Variants in NTM observed in about 807,000 individuals in gnomAD.
The protein encoded by NTM is IgLON family member 2.
A neutral mutation model predicts 42.1 loss-of-function variants in NTM; 13 were observed. The ratio of observed to expected loss-of-function variants is 0.31; its 90% CI spans 0.20 to 0.49. The LOEUF (loss-of-function observed/expected upper bound fraction) is 0.49, where lower values mean the gene tolerates loss of function less well. Ranked by LOEUF, NTM falls within the 20% of genes least tolerant of loss-of-function variation. NTM has a pLI of 0.99. For missense variants in NTM, 373 were observed against 452.8 expected, an observed-to-expected ratio of 0.82 and a Z score of 1.60; for synonymous variants, 187 against 179.2, an observed-to-expected ratio of 1.04 and a Z score of -0.35.
chr11:132,090,152 G>A (rs184337828), intron 2 of NTM, among the ~76,000 whole-genome samples: 21 of 152,196 alleles, frequency 1.4e-4, no homozygotes, highest in South Asian at 4.2e-4. Flanking sequence ...AAAAAGTGAC[G>A]GAATGAGACT....
At chr11:131,437,509 T>C (rs1408989544) in intron 1 of NTM, among the ~76,000 whole-genome samples, 5 of 152,238 alleles carry the variant, frequency 3.3e-5, no homozygotes, top group African/African-American at 1.2e-4. Flanking sequence ...TAGCTCTTCT[T>C]GTTGAATTGA....
intron 4 of NTM, among the ~76,000 whole-genome samples, chr11:132,239,940 T>TATCCATCCATTC (rs2089877096): frequency 6.6e-6 from 1 of 152,124 alleles, no homozygotes; most frequent in Non-Finnish European, 1.5e-5. Flanking sequence ...CTAGTTCATT[T>TATCCATCCATTC]ATCCATCCAT....
intron 3 of NTM, among the ~76,000 whole-genome samples, chr11:132,149,369 G>C (rs2071350035): frequency 6.6e-6 from 1 of 152,014 alleles, no homozygotes; most frequent in Admixed American, 6.6e-5. Flanking sequence ...TGGAATAAAA[G>C]TTGGGCATAT....
rs117233498 is a variant in NTM, at chr11:131,647,319, C to T, written c.83-264245C>T. On this transcript the variant is annotated intron_variant, in intron 1 of 8. Coordinates refer to ENST00000683400, the MANE Select transcript of NTM (RefSeq NM_001352005.2). ...ACCATCAAGGATTTTTGTAGCTGCG[C>T]GGATGGACATCAATAGGTGATTAAA... Among the ~76,000 whole-genome samples, 799 of 152,302 alleles carry T rather than the reference C, an allele frequency of 5.2e-3. 5 individuals carry two copies. The highest frequency in any genetic ancestry group is 0.027 in the Middle Eastern group (8 of 294).
At chr11:132,037,010 T>C (rs2076587096) in intron 2 of NTM, among the ~76,000 whole-genome samples, 1 of 152,184 alleles carries the variant, frequency 6.6e-6, no homozygotes, top group Non-Finnish European at 1.5e-5. Context: ...AGTCTGCTAC[T>C]CTGCCTGCTT....
intron 1 of NTM, among the ~76,000 whole-genome samples, chr11:131,586,781 G>A (rs1016447713): frequency 2.0e-5 from 3 of 152,028 alleles, no homozygotes; most frequent in Non-Finnish European, 4.4e-5. Context: ...AGAAAAAGAC[G>A]GTAGGTTTTC....
intron 1 of NTM, among the ~76,000 whole-genome samples, chr11:131,811,683 A>G (rs2092735304): frequency 6.6e-6 from 1 of 152,188 alleles, no homozygotes; most frequent in African/African-American, 2.4e-5. Context: ...CAGGCTTAGA[A>G]ATGAGCTGCT....
chr11:131,456,549 G>A (rs546144399), intron 1 of NTM, among the ~76,000 whole-genome samples: 33 of 151,750 alleles, frequency 2.2e-4, no homozygotes, highest in African/African-American at 7.8e-4. Context: ...TTGCCTCAGG[G>A]AGGGGTGCTG....
chr11:132,142,229 C>T (rs976575277), intron 2 of NTM, among the ~76,000 whole-genome samples: 1 of 152,204 alleles, frequency 6.6e-6, no homozygotes, highest in Admixed American at 6.5e-5. Flanking sequence ...TGTGACTATT[C>T]CTCCATATCT....
At chr11:132,115,196 T>G (rs565370636) in intron 2 of NTM, among the ~76,000 whole-genome samples, 1 of 152,290 alleles carries the variant, frequency 6.6e-6, no homozygotes, top group African/African-American at 2.4e-5. Context: ...AAGTTTCAGT[T>G]ACGTAGGGTA....
chr11:131,789,636 A>AGAAGAAGAGAAG (rs1555127949), intron 1 of NTM, among the ~76,000 whole-genome samples: 1 of 30,900 alleles, frequency 3.2e-5, no homozygotes, highest in African/African-American at 1.2e-4. Flanking sequence ...AAGAAGAAGA[A>AGAAGAAGAGAAG]AAGAAGAAGA....
chr11:132,040,120 A>T (rs1170264985), intron 2 of NTM, among the ~76,000 whole-genome samples: 1 of 151,940 alleles, frequency 6.6e-6, no homozygotes, highest in Non-Finnish European at 1.5e-5. Flanking sequence ...ATTAGAGACG[A>T]GATGGGGGTT....
At chr11:132,273,902 C>A (rs2093608478) in intron 4 of NTM, among the ~76,000 whole-genome samples, 1 of 152,028 alleles carries the variant, frequency 6.6e-6, no homozygotes, top group African/African-American at 2.4e-5. Flanking sequence ...AGTGAAACTC[C>A]ATCTCAAAAC....
At chr11:131,935,788 G>T (rs974526297) in intron 2 of NTM, among the ~76,000 whole-genome samples, 1 of 152,196 alleles carries the variant, frequency 6.6e-6, no homozygotes. Flanking sequence ...AATTACAGAA[G>T]AATCTGTCCT....
intron 1 of NTM, among the ~76,000 whole-genome samples, chr11:131,703,786 C>A (rs879470395): frequency 9.9e-5 from 15 of 152,196 alleles, no homozygotes; most frequent in Admixed American, 3.9e-4. Flanking sequence ...GATAGCCTTG[C>A]ATGAGGGGAA....
At chr11:132,097,784 G>A (rs1465425520) in intron 2 of NTM, among the ~76,000 whole-genome samples, 1 of 152,192 alleles carries the variant, frequency 6.6e-6, no homozygotes, top group Non-Finnish European at 1.5e-5. Flanking sequence ...GCTTCATGCA[G>A]GTCATTGTGA....
intron 4 of NTM, among the ~76,000 whole-genome samples, chr11:132,229,999 G>T (rs1464575785): frequency 6.6e-6 from 1 of 152,210 alleles, no homozygotes; most frequent in African/African-American, 2.4e-5. Flanking sequence ...GGGCTGCCTT[G>T]AGCAAGTCAT....
intron 1 of NTM, among the ~76,000 whole-genome samples, chr11:131,526,097 A>G (rs2050442853): frequency 6.6e-6 from 1 of 152,214 alleles, no homozygotes; most frequent in Admixed American, 6.5e-5. Context: ...CAGTGCCATT[A>G]GGCAAGAACT....
chr11:131,957,654 A>G (rs972175713), intron 2 of NTM, among the ~76,000 whole-genome samples: 2 of 152,170 alleles, frequency 1.3e-5, no homozygotes, highest in African/African-American at 2.4e-5. Flanking sequence ...AGAGCATTTT[A>G]ATTGCCATCC....
Sources: allele counts gnomAD v4.1 joint callset (sites outside exome capture counted in the v4.1 genomes callset), GRCh38; gene constraint gnomAD v4.1.1; transcripts MANE v1.5; gene names NCBI Gene and HGNC (gene_info 2026-07-23, HGNC 2026-07-21).